The following TNPO1 variants were observed in gnomAD, a reference collection of about 807,000 sequenced individuals.
TNPO1 encodes the protein transportin-1.
TNPO1 carries 8 observed loss-of-function variants against 119.5 expected under a neutral mutation model. The ratio of observed to expected loss-of-function variants is 0.07; its 90% CI spans 0.04 to 0.12. The LOEUF is 0.12. Among genes scored for constraint, TNPO1 ranks in the 10% least tolerant of loss-of-function variants. TNPO1 has a pLI of 1.00. For synonymous variants in TNPO1, 362 were observed against 363.0 expected (o/e 1.00, Z 0.03); for missense variants, 576 against 1,089.8 (o/e 0.53, Z 6.64).
intron 19 of TNPO1, 52 bp downstream of exon 19, chr5:72,896,608 G>A: frequency 2.8e-6 from 4 of 1,447,962 alleles, no homozygotes; most frequent in Non-Finnish European, 2.9e-6. Flanking sequence ...GGTGGCTCAC[G>A]CCTGTAATCC....
Position 72,888,098 on chromosome 5 carries a change from C to G in TNPO1, c.1324C>G (p.Pro442Ala), listed in dbSNP as rs781750914. The change falls in exon 13 of 25, where the codon CCA becomes GCA. Residue 442 changes from proline to alanine, a missense_variant. Around this residue, in one of 6 missense-constraint regions of TNPO1, gnomAD observed 310 missense variants for 583.0 expected, o/e 0.53. Transcript: ENST00000337273. ...IAEGCMQGMI[P>A]YLPELIPHLI... ...TCTAGGTTGCATGCAGGGCATGATT[C>G]CATACTTGCCTGAGCTTATTCCTCA... The G allele has an allele frequency of 3.1e-6, 5 of 1,613,764 alleles. No individual in the cohort carries two copies. Among genetic ancestry groups the G allele is most frequent in the Non-Finnish European group, 4.2e-6 (5 of 1,179,990 alleles).
chr5:72,845,272 T>C (rs1427951248), intron 1 of TNPO1, among the ~76,000 whole-genome samples: 1 of 152,040 alleles, frequency 6.6e-6, no homozygotes, highest in African/African-American at 2.4e-5. Context: ...TATAAGAAAA[T>C]CCAATATTGA....
At chr5:72,879,900 A>G (rs1003178388) in intron 9 of TNPO1, among the ~76,000 whole-genome samples, 29 of 152,204 alleles carry the variant, frequency 1.9e-4, no homozygotes, top group Non-Finnish European at 2.9e-4. Context: ...AGAAAGCACC[A>G]TTGTAGGCTG....
chr5:72,906,278 T>TCTTTTC (rs1561365872), intron 24 of TNPO1, among the ~76,000 whole-genome samples: 8 of 50,328 alleles, frequency 1.6e-4, no homozygotes, highest in African/African-American at 5.5e-4. Context: ...TTTTTTTCTT[T>TCTTTTC]TTTTTTTTTT....
At chr5:72,896,362 C>T (rs1579928988) in intron 18 of TNPO1, 96 bp from the exon 19 acceptor site, 1 of 670,794 alleles carries the variant, frequency 1.5e-6, no homozygotes, top group East Asian at 3.4e-5. Flanking sequence ...CTTGTTATTT[C>T]TTGCTTAGAT....
chr5:72,856,314 C>T (rs1040737851), intron 4 of TNPO1, among the ~76,000 whole-genome samples: 2 of 152,150 alleles, frequency 1.3e-5, no homozygotes, highest in African/African-American at 2.4e-5. Context: ...TCACTGCAAC[C>T]TCTGCCTCCT....
intron 1 of TNPO1, among the ~76,000 whole-genome samples, chr5:72,830,819 T>C (rs938653587): frequency 1.3e-5 from 2 of 152,168 alleles, no homozygotes; most frequent in African/African-American, 4.8e-5. Context: ...AATAAATGAA[T>C]TTATGTTTTT....
At chr5:72,876,410 G>C (rs1747777516) in intron 8 of TNPO1, among the ~76,000 whole-genome samples, 2 of 152,136 alleles carry the variant, frequency 1.3e-5, no homozygotes, top group African/African-American at 4.8e-5. Flanking sequence ...AATTTGGCTT[G>C]GTGTGTTCCA....
chr5:72,854,494 A>G (rs1007550711), intron 3 of TNPO1, among the ~76,000 whole-genome samples: 1 of 152,210 alleles, frequency 6.6e-6, no homozygotes, highest in African/African-American at 2.4e-5. Context: ...TTACAATAAC[A>G]TTCTGTTCAA....
intron 3 of TNPO1, among the ~76,000 whole-genome samples, chr5:72,853,026 G>C (rs1243780628): frequency 6.6e-6 from 1 of 152,064 alleles, no homozygotes; most frequent in Non-Finnish European, 1.5e-5. Context: ...TCACTAAGCT[G>C]TCCACTCTCA....
intron 1 of TNPO1, among the ~76,000 whole-genome samples, chr5:72,842,111 A>G (rs1227051540): frequency 6.6e-6 from 1 of 152,202 alleles, no homozygotes; most frequent in Non-Finnish European, 1.5e-5. Flanking sequence ...TTATATTGTC[A>G]TACTATATAC....
At chr5:72,876,971 T>C (rs1747836905) in intron 8 of TNPO1, among the ~76,000 whole-genome samples, 1 of 151,758 alleles carries the variant, frequency 6.6e-6, no homozygotes, top group Admixed American at 6.6e-5. Context: ...GGCAGGCGCC[T>C]GTAGTCCCAT....
At chr5:72,869,856 A>AT (rs1213119700) in intron 6 of TNPO1, among the ~76,000 whole-genome samples, 3 of 152,222 alleles carry the variant, frequency 2.0e-5, no homozygotes, top group African/African-American at 7.2e-5. Flanking sequence ...GACATGAGTA[A>AT]TTATTCTGCC....
At chr5:72,857,603 G>A (rs1746105113) in intron 4 of TNPO1, among the ~76,000 whole-genome samples, 2 of 152,114 alleles carry the variant, frequency 1.3e-5, no homozygotes, top group South Asian at 2.1e-4. Flanking sequence ...GGATCCAGGA[G>A]AGAAATCTCC....
At chr5:72,856,334 C>T (rs561803143) in intron 4 of TNPO1, among the ~76,000 whole-genome samples, 2 of 152,144 alleles carry the variant, frequency 1.3e-5, no homozygotes, top group Admixed American at 6.5e-5. Flanking sequence ...TGGATTCAAG[C>T]GATTCTCCTG....
chr5:72,871,907 A>C (rs769159150), intron 6 of TNPO1: 5 of 152,224 alleles, frequency 3.3e-5, no homozygotes, highest in Admixed American at 6.5e-5. Flanking sequence ...TGATTTTTAA[A>C]TTTAAGAGGT....
chr5:72,858,823 T>G (rs1372923987), intron 4 of TNPO1, among the ~76,000 whole-genome samples: 1 of 151,284 alleles, frequency 6.6e-6, no homozygotes, highest in African/African-American at 2.4e-5. Flanking sequence ...GATGACAGAG[T>G]GAGACTCCGT....
At chr5:72,859,908 A>G (rs1043405668) in intron 4 of TNPO1, among the ~76,000 whole-genome samples, 12 of 152,340 alleles carry the variant, frequency 7.9e-5, no homozygotes, top group Admixed American at 3.3e-4. Flanking sequence ...GATCTTGCTC[A>G]TTCCCTTATT....
At position 72,877,217 on chromosome 5, in the gene TNPO1, T is replaced by G; in HGVS notation, c.802-11T>G. The G allele has an allele frequency of 6.8e-7, 1 of 1,477,890 alleles. No individual in the cohort carries two copies. Among genetic ancestry groups the G allele is most frequent in the Non-Finnish European group, 9.4e-7 (1 of 1,060,364 alleles). 91.5% of individuals were successfully genotyped at this position (1,477,890 alleles called of 1,614,324 possible). A position where few individuals can be genotyped will look rare whatever the true frequency, so the allele number is the denominator to read the frequency against. ...TTAAACTGACTAATATTAAGGATAT[T>G]GTGTTTCCAGTACATGCTACAGAGG... On this transcript the variant is annotated splice_polypyrimidine_tract_variant and intron_variant, in intron 8 of 24. Coordinates refer to ENST00000337273, the MANE Select transcript of TNPO1 (RefSeq NM_002270.4).
Sources: allele counts gnomAD v4.1 joint callset (sites outside exome capture counted in the v4.1 genomes callset), GRCh38; gene constraint gnomAD v4.1.1; regional missense constraint gnomAD v4.1.1; transcripts MANE v1.5; gene names NCBI Gene and HGNC (gene_info 2026-07-23, HGNC 2026-07-21).